Variants in NAGK observed in about 807,000 individuals in gnomAD.
NAGK encodes N-acetyl-D-glucosamine kinase.
NAGK carries 35 observed loss-of-function variants against 42.9 expected under a neutral mutation model. The ratio of observed to expected loss-of-function variants is 0.82; its 90% CI spans 0.62 to 1.08. The LOEUF is 1.08. Ranked by LOEUF, NAGK falls within the 50% of genes least tolerant of loss-of-function variation. The pLI is 0.00. For synonymous variants in NAGK, 172 were observed against 176.0 expected (o/e 0.98, Z 0.18); for missense variants, 446 against 446.0 (o/e 1.00, Z 0.00).
Position 71,071,839 on chromosome 2 carries a change from G to A in NAGK, c.355+12G>A, listed in dbSNP as rs576316562. 4 of 1,613,828 alleles carry A rather than the reference G, an allele frequency of 2.5e-6. No homozygotes were observed. The Admixed American group carries it at 5.0e-5, about 20-fold the overall frequency. On this transcript the variant is annotated intron_variant, in intron 4 of 9. Transcript: ENST00000244204. ...AGCTACACCGGATGGTGAGGAAGTG[G>A]AGGGAGGGGTGAGAGTGAGAACTGG...
intron 1 of NAGK, 166 bp downstream of exon 1, chr2:71,068,878 C>T: frequency 7.4e-7 from 1 of 1,357,132 alleles, no homozygotes; most frequent in Non-Finnish European, 9.4e-7. Flanking sequence ...GAGCGCACAG[C>T]TGTATGCCTT....
At position 71,071,680 on chromosome 2, in the gene NAGK, G is replaced by T. The variant is rs776738923; in HGVS notation, c.214-6G>T. 6.2e-7 allele frequency: 1 copy of T among 1,611,458 alleles called. No homozygotes were observed. The highest frequency in any genetic ancestry group is 8.5e-7 in the Non-Finnish European group (1 of 1,179,164). ...TGCACACTCGCTCACCTCCCGCGTG[G>T]CCTAGGGCCTATCTCTGAGCGGTGG... is the stretch of plus-strand genomic sequence containing the variant. On this transcript the variant is annotated splice_region_variant and splice_polypyrimidine_tract_variant and intron_variant, in intron 3 of 9. Transcript: ENST00000244204.
chr2:71,072,623 C>T lies in NAGK; in HGVS notation c.356-18C>T, dbSNP rs768984038. The T allele has an allele frequency of 1.9e-6, 3 of 1,605,686 alleles. No individual in the cohort carries two copies. In the South Asian group the frequency reaches 3.3e-5, roughly 18 times the overall value. On this transcript the variant is annotated intron_variant, in intron 4 of 9. Transcript: ENST00000244204. ...GCCAGGCCTCGGCCACACTGAGCCT[C>T]CTATTCCCTTTCCCCAGGTGGAGTT...
At chr2:71,075,440 A>G in intron 6 of NAGK, 115 bp from the exon 7 acceptor site, 2 of 756,228 alleles carry the variant, frequency 2.6e-6, no homozygotes, top group Non-Finnish European at 4.5e-6. Flanking sequence ...TTGGAGTTAA[A>G]AAAAATTATT....
At chr2:71,078,265 C>A in intron 9 of NAGK, 53 bp from the exon 10 acceptor site, 2 of 1,560,984 alleles carry the variant, frequency 1.3e-6, no homozygotes, top group South Asian at 2.2e-5. Flanking sequence ...TTCCTGGCCC[C>A]AGTACAGGTT....
At chr2:71,068,907 C>T in intron 1 of NAGK, 195 bp downstream of exon 1, 3 of 1,303,758 alleles carry the variant, frequency 2.3e-6, no homozygotes, top group Non-Finnish European at 2.9e-6. Context: ...TCTGCCTGTG[C>T]AACAGCCACA....
Position 71,070,729 on chromosome 2 carries a change from G to A in NAGK, c.115-12G>A, listed in dbSNP as rs769358270. 1 of 1,614,212 alleles carries A rather than the reference G, an allele frequency of 6.2e-7. No homozygotes were observed. Among genetic ancestry groups the A allele is most frequent in the East Asian group, 2.2e-5 (1 of 44,892 alleles). ...AGCCTTTGTAACTCCTTCTTCCCTT[G>A]ATTGGGGCCAGCTGATCGGGACAGA... is the stretch of plus-strand genomic sequence containing the variant. On this transcript the variant is annotated splice_polypyrimidine_tract_variant and intron_variant, in intron 2 of 9. Coordinates refer to ENST00000244204, the MANE Select transcript of NAGK (RefSeq NM_017567.6).
chr2:71,068,777 G>A, intron 1 of NAGK, 65 bp downstream of exon 1: 2 of 1,433,826 alleles, frequency 1.4e-6, no homozygotes, highest in South Asian at 2.9e-5. Flanking sequence ...GGCCAGCCTG[G>A]CAAGCTGGTG....
In NAGK at chr2:71,071,689, C is replaced by A. The variant is rs752883485; in HGVS notation, c.217C>A (p.Leu73Ile). 6.2e-7 allele frequency: 1 copy of A among 1,612,896 alleles called. No homozygotes were observed. The highest frequency in any genetic ancestry group is 1.7e-5 in the Admixed American group (1 of 59,932). Residue 73 changes from leucine to isoleucine, a missense_variant, in exon 4 of 10, where the codon CTA (leucine) becomes ATA (isoleucine). Coordinates refer to ENST00000244204, the MANE Select transcript of NAGK (RefSeq NM_017567.6). ...GCTCACCTCCCGCGTGGCCTAGGGC[C>A]TATCTCTGAGCGGTGGGGACCAGGA... ...DPLVPLRSLG[L>I]SLSGGDQEDA...
chr2:71,071,220 T>TATAG, intron 3 of NAGK: 1 of 321,422 alleles, frequency 3.1e-6, no homozygotes, highest in South Asian at 3.5e-5. Context: ...AAGTGGTTAG[T>TATAG]ATAGAGCCTG....
intron 2 of NAGK, 77 bp downstream of exon 2, chr2:71,070,663 G>A (rs900567193): frequency 1.9e-6 from 3 of 1,604,814 alleles, no homozygotes; most frequent in Non-Finnish European, 2.6e-6. Context: ...GTGGTGGCTG[G>A]GACTCACAGA....
intron 3 of NAGK, 143 bp from the exon 4 acceptor site, chr2:71,071,543 T>G: frequency 1.7e-6 from 2 of 1,148,756 alleles, no homozygotes; most frequent in Non-Finnish European, 2.4e-6. Flanking sequence ...GGTCATTGTG[T>G]GGGGAGAAAG....
In NAGK at chr2:71,076,613, AG is replaced by A; in HGVS notation, c.680del (p.Gly227GlufsTer21). The A allele has an allele frequency of 6.2e-7, 1 of 1,613,224 alleles. No homozygotes were observed. The highest frequency in any genetic ancestry group is 8.5e-7 in the Non-Finnish European group (1 of 1,179,346). On this transcript the variant is annotated frameshift_variant, in exon 8 of 10. Coordinates refer to ENST00000244204, the MANE Select transcript of NAGK (RefSeq NM_017567.6). LOFTEE classifies it high-confidence loss of function. ...GTCCTCCCTACCCCAGGTGCTCAGC[AG>A]GGAGACCCCCTTTCCCGCTATATCT... is the stretch of plus-strand genomic sequence containing the variant. ...FCRKIAEGAQ[Q>X]GDPLSRYIFR...
chr2:71,068,507 G>A (rs1325704462), upstream of NAGK: 13 of 1,431,772 alleles, frequency 9.1e-6, no homozygotes, highest in African/African-American at 1.5e-5. Context: ...CCTGAGGGAC[G>A]CAGCCATCCC....
chr2:71,077,277 A>G (rs548936831), intron 8 of NAGK, among the ~76,000 whole-genome samples: 1 of 152,298 alleles, frequency 6.6e-6, no homozygotes, highest in Admixed American at 6.5e-5. Context: ...CCTTTCTTTC[A>G]GTTAATTTCA....
rs139311113 is a variant in NAGK at position 71,076,738 on chromosome 2, G to A, written c.765+37G>A. The stretch of plus-strand genomic sequence containing the variant: ...TGGGAGTGAAGGTGGGGAGCTGCTG[G>A]GTGAGGAGTGGTCCTTTCCCACTGT... On this transcript the variant is annotated intron_variant, in intron 8 of 9. Transcript: ENST00000244204. The A allele has an allele frequency of 1.0e-4, 155 of 1,548,562 alleles. 1 individual carries two copies. The East Asian group carries it at 3.3e-3, about 33-fold the overall frequency.
intron 2 of NAGK, 62 bp from the exon 3 acceptor site, chr2:71,070,679 C>T: frequency 6.2e-7 from 1 of 1,609,488 alleles, no homozygotes; most frequent in South Asian, 1.1e-5. Flanking sequence ...ACAGAGCAGC[C>T]TGTGGGGGCA....
Position 71,076,631 on chromosome 2 carries a change from G to C in NAGK, c.695G>C (p.Arg232Pro), listed in dbSNP as rs142872700. The change falls in exon 8 of 10, where the codon CGC (arginine) becomes CCC (proline). Residue 232 changes from arginine to proline, a missense_variant. Coordinates refer to ENST00000244204, the MANE Select transcript of NAGK (RefSeq NM_017567.6). ...GCTCAGCAGGGAGACCCCCTTTCCC[G>C]CTATATCTTCAGGAAGGCTGGGGAG... Reference protein sequence around the residue: ...EGAQQGDPLSRYIFRKAGEML... With the variant: ...EGAQQGDPLSPYIFRKAGEML... The C allele has an allele frequency of 6.2e-7, 1 of 1,613,478 alleles. No homozygotes were observed. Among genetic ancestry groups the C allele is most frequent in the Non-Finnish European group, 8.5e-7 (1 of 1,179,736 alleles).
intron 1 of NAGK, 177 bp from the exon 2 acceptor site, chr2:71,070,325 T>C (rs1671950921): frequency 1.8e-6 from 1 of 550,370 alleles, no homozygotes; most frequent in South Asian, 2.0e-5. Context: ...GTGAGAATTA[T>C]GTTTCAGTTA....
Sources: allele counts gnomAD v4.1 joint callset (sites outside exome capture counted in the v4.1 genomes callset), GRCh38; gene constraint gnomAD v4.1.1; transcripts MANE v1.5; gene names NCBI Gene and HGNC (gene_info 2026-07-23, HGNC 2026-07-21).